CCDC178: variants seen among roughly 807,000 people sequenced by gnomAD.
CCDC178 encodes the protein coiled-coil domain containing 178.
In CCDC178, 126 loss-of-function variants were observed where a neutral mutation model predicts 117.4. The observed-to-expected ratio is 1.07, with a 90% confidence interval of 0.93 to 1.24. CCDC178 has a LOEUF of 1.24. CCDC178 is among the 50% of genes most tolerant of loss of function. CCDC178 has a pLI of 0.00. For synonymous variants in CCDC178, 283 were observed against 313.4 expected (o/e 0.90, Z 1.02); for missense variants, 1,030 against 986.9 (o/e 1.04, Z -0.59).
chr18:33,438,322 C>G (rs2064321080), intron 2 of CCDC178, among the ~76,000 whole-genome samples: 1 of 152,128 alleles, frequency 6.6e-6, no homozygotes, highest in Non-Finnish European at 1.5e-5. Flanking sequence ...ATACCTGAAG[C>G]TTTATAGCTT....
chr18:32,999,748 C>G (rs2055593573), intron 21 of CCDC178, among the ~76,000 whole-genome samples: 1 of 152,096 alleles, frequency 6.6e-6, no homozygotes, highest in African/African-American at 2.4e-5. Flanking sequence ...AAGGTGGTAC[C>G]TCTATGTGTC....
At chr18:33,099,671 T>C (rs990839012) in intron 20 of CCDC178, among the ~76,000 whole-genome samples, 3 of 151,936 alleles carry the variant, frequency 2.0e-5, no homozygotes, top group Non-Finnish European at 4.4e-5. Context: ...AGAAGCATTA[T>C]TGCATTGCTG....
chr18:33,170,681 G>T (rs1203665309), intron 20 of CCDC178, among the ~76,000 whole-genome samples: 4 of 151,918 alleles, frequency 2.6e-5, no homozygotes, highest in African/African-American at 9.7e-5. Context: ...TAAATTGATA[G>T]AAATAAATAA....
intron 14 of CCDC178, among the ~76,000 whole-genome samples, chr18:33,256,977 T>TTTAA (rs144051438): frequency 0.067 from 10,227 of 152,138 alleles, 507 homozygotes; most frequent in African/African-American, 0.14. Context: ...CTGAGTTCTA[T>TTTAA]TTATTTATTT....
chr18:33,298,517 C>T (rs72948837), intron 11 of CCDC178, among the ~76,000 whole-genome samples: 8,922 of 152,084 alleles, frequency 0.059, 377 homozygotes, highest in East Asian at 0.13. Flanking sequence ...AAACCATAGC[C>T]AATATCATAC....
chr18:33,352,054 A>AT (rs369798475), intron 7 of CCDC178, among the ~76,000 whole-genome samples: 3 of 151,930 alleles, frequency 2.0e-5, no homozygotes, highest in East Asian at 1.9e-4. Context: ...TGGTCCTGAG[A>AT]TTTTTTTTGT....
At chr18:33,020,745 G>A (rs187632156) in intron 21 of CCDC178, among the ~76,000 whole-genome samples, 1 of 152,100 alleles carries the variant, frequency 6.6e-6, no homozygotes, top group South Asian at 2.1e-4. Flanking sequence ...CTGCCCACAG[G>A]TGGCCTATGA....
In CCDC178 at chr18:33,042,131, A is replaced by G. The variant is rs143048778; in HGVS notation, c.2388+50630T>C. 3.9e-5 allele frequency among the ~76,000 whole-genome samples: 6 copies of G among 152,040 alleles called. No homozygotes were observed. In the East Asian group the frequency reaches 1.2e-3, roughly 29 times the overall value. On this transcript the variant is annotated intron_variant, in intron 21 of 22. Transcript: ENST00000383096. ...GGATGACAGGGAACAAGACATTCAC[A>G]TGACACCAACTACCAACCTACAAAT...
At chr18:33,386,712 T>C (rs982429189) in intron 5 of CCDC178, among the ~76,000 whole-genome samples, 7 of 152,124 alleles carry the variant, frequency 4.6e-5, no homozygotes, top group Admixed American at 2.6e-4. Context: ...TGAAGGAACA[T>C]ACCTCAAAAT....
intron 22 of CCDC178, among the ~76,000 whole-genome samples, chr18:32,963,816 T>C (rs2054756260): frequency 6.6e-6 from 1 of 152,070 alleles, no homozygotes; most frequent in Admixed American, 6.6e-5. Context: ...GTATGTCTTC[T>C]ACCTTTGGAC....
In CCDC178 at chr18:32,938,154, T is replaced by C. The variant is rs909515772; in HGVS notation, c.2524-63A>G. 3 of 1,119,072 alleles carry C rather than the reference T, an allele frequency of 2.7e-6. No homozygotes were observed. The African/African-American group carries it at 4.6e-5, about 17-fold the overall frequency. The allele number at this position is 1,119,072 out of a possible 1,614,324, so 69.3% of individuals were successfully genotyped here. A position where few individuals can be genotyped will look rare whatever the true frequency, so the allele number is the denominator to read the frequency against. On this transcript the variant is annotated intron_variant, in intron 22 of 22. Coordinates refer to ENST00000383096, the MANE Select transcript of CCDC178 (RefSeq NM_001105528.4). The stretch of plus-strand genomic sequence containing the variant: ...CTCATTAATTAAGAAAACAGAGCAT[T>C]ATTATGAAATCATACACATGGAAAA...
chr18:33,000,238 A>T (rs1279121079), intron 21 of CCDC178, among the ~76,000 whole-genome samples: 1 of 152,074 alleles, frequency 6.6e-6, no homozygotes, highest in Non-Finnish European at 1.5e-5. Context: ...CAGAAGGATC[A>T]AGCAGAAGAA....
intron 7 of CCDC178, among the ~76,000 whole-genome samples, chr18:33,351,160 G>GTA (rs2062973401): frequency 6.6e-6 from 1 of 151,094 alleles, no homozygotes; most frequent in African/African-American, 2.4e-5. Flanking sequence ...GTGTGTGTGT[G>GTA]TGTGTGTGTG....
At position 33,332,078 on chromosome 18, in the gene CCDC178, C is replaced by T. The variant is rs115343300; in HGVS notation, c.879+1096G>A. Among the ~76,000 whole-genome samples the T allele has an allele frequency of 7.9e-3, 1,201 of 152,218 alleles. 11 individuals are homozygous for T. Among genetic ancestry groups the T allele is most frequent in the Middle Eastern group, 0.037 (11 of 294 alleles). ...ATGAATGAACTAGAGCTATACATAT[C>T]AACAGTAGCTTGATTAAACTAAAAA... On this transcript the variant is annotated intron_variant, in intron 10 of 22. Transcript: ENST00000383096.
Position 33,092,790 on chromosome 18 carries a change from G to A in CCDC178, c.2359C>T (p.Leu787Phe). The A allele has an allele frequency of 1.3e-6, 2 of 1,536,858 alleles. No individual in the cohort carries two copies. The highest frequency in any genetic ancestry group is 3.5e-4 in the Middle Eastern group (2 of 5,774). The part of the protein sequence containing the change: ...YFNIYDKQLS[L>F]DTSIRDKKQL... ...TTCTTATCTCTAATTGAAGTATCAA[G>A]TGATAGCTGTTTATCATATATATTG... Residue 787 changes from leucine (L) to phenylalanine (F), a missense_variant, in exon 21 of 23, where the codon CTT becomes TTT. Leu to Phe is a conservative substitution (Grantham distance 22). Coordinates refer to ENST00000383096, the MANE Select transcript of CCDC178 (RefSeq NM_001105528.4).
intron 21 of CCDC178, among the ~76,000 whole-genome samples, chr18:32,977,955 T>C (rs1440270040): frequency 6.6e-6 from 1 of 152,126 alleles, no homozygotes; most frequent in East Asian, 1.9e-4. Flanking sequence ...AACAACAAGG[T>C]AAATTTTGCA....
chr18:33,207,263 C>A (rs2059054900), intron 20 of CCDC178, among the ~76,000 whole-genome samples: 1 of 151,984 alleles, frequency 6.6e-6, no homozygotes, highest in Non-Finnish European at 1.5e-5. Context: ...GTTCCAATAT[C>A]TTTAAAAAAG....
intron 3 of CCDC178, among the ~76,000 whole-genome samples, chr18:33,398,296 T>C (rs1420821056): frequency 6.6e-6 from 1 of 152,088 alleles, no homozygotes; most frequent in East Asian, 1.9e-4. Flanking sequence ...TGATAAGATA[T>C]GATACCCACA....
chr18:33,229,010 T>C (rs1354033040), intron 15 of CCDC178, among the ~76,000 whole-genome samples: 1 of 152,190 alleles, frequency 6.6e-6, no homozygotes, highest in Non-Finnish European at 1.5e-5. Flanking sequence ...AGGGGATTTA[T>C]TTGTTTTCCC....
Sources: gnomAD v4.1 joint callset for allele counts (sites outside exome capture counted in the v4.1 genomes callset) on GRCh38, gnomAD v4.1.1 for gene constraint, MANE v1.5 for transcripts, NCBI Gene and HGNC (gene_info 2026-07-23, HGNC 2026-07-21) for gene names.